The following NDST3 variants were observed in gnomAD, a reference collection of about 807,000 sequenced individuals.
The protein encoded by NDST3 is bifunctional heparan sulfate N-deacetylase/N-sulfotransferase 3.
NDST3 carries 58 observed loss-of-function variants against 96.1 expected under a neutral mutation model. The observed-to-expected ratio is 0.60, with a 90% confidence interval of 0.49 to 0.75. The LOEUF (loss-of-function observed/expected upper bound fraction) is 0.75, where lower values mean the gene tolerates loss of function less well. NDST3 is among the 30% of genes least tolerant of loss of function. The pLI, the probability that NDST3 is intolerant of heterozygous loss-of-function variation, is 0.00. For synonymous variants in NDST3, 333 were observed against 359.7 expected, an observed-to-expected ratio of 0.93 and a Z score of 0.84; for missense variants, 788 against 1,034.2, an observed-to-expected ratio of 0.76 and a Z score of 3.27.
At chr4:118,194,517 C>T in intron 6 of NDST3, 2 of 721,142 alleles carry the variant, frequency 2.8e-6, no homozygotes, top group Non-Finnish European at 5.2e-6. Flanking sequence ...TTTCCCAGGT[C>T]AAAGGAGAAT....
intron 6 of NDST3, among the ~76,000 whole-genome samples, chr4:118,179,766 C>T (rs1270247297): frequency 6.6e-6 from 1 of 152,048 alleles, no homozygotes; most frequent in Non-Finnish European, 1.5e-5. Flanking sequence ...TAAGCCTCAA[C>T]ATTTTTTGGT....
At chr4:118,253,449 G>C in intron 12 of NDST3, 50 bp from the exon 13 acceptor site, 4 of 1,287,356 alleles carry the variant, frequency 3.1e-6, no homozygotes, top group Non-Finnish European at 4.5e-6. Flanking sequence ...ATATAAATTG[G>C]TTGAAAAATG....
chr4:118,095,575 A>C (rs2125837336), intron 2 of NDST3, among the ~76,000 whole-genome samples: 1 of 150,924 alleles, frequency 6.6e-6, no homozygotes, highest in South Asian at 2.1e-4. Flanking sequence ...GTGGTTGTTG[A>C]TGCAGGTGAA....
chr4:118,081,578 GCTTTTAAACAGA>G (rs1728023024), intron 2 of NDST3, among the ~76,000 whole-genome samples: 1 of 152,106 alleles, frequency 6.6e-6, no homozygotes, highest in African/African-American at 2.4e-5. Flanking sequence ...GTAATTTGCT[GCTTTTAAACAGA>G]CTTAGCAGCA....
chr4:118,099,019 C>A (rs528013968), intron 2 of NDST3, among the ~76,000 whole-genome samples: 25 of 152,178 alleles, frequency 1.6e-4, no homozygotes, highest in Middle Eastern at 3.4e-3. Flanking sequence ...GGATTTCATT[C>A]ACAAAGCTAA....
Position 118,256,363 on chromosome 4 carries a change from A to G in NDST3, c.*651A>G, listed in dbSNP as rs1294135573. 1 of 152,250 alleles carries G rather than the reference A, an allele frequency of 6.6e-6. No individual in the cohort carries two copies. Among genetic ancestry groups the G allele is most frequent in the Admixed American group, 6.5e-5 (1 of 15,286 alleles). The allele number at this position is 152,250 out of a possible 1,614,324, so 9.4% of individuals were successfully genotyped here. On this transcript the variant is annotated 3_prime_UTR_variant, in exon 14 of 14. Transcript: ENST00000296499. Reference sequence around the variant, plus strand: ...TTCATATACATAGTCTAGTGAATATATGTAAAAATTACTAACTCTTCCATC... The same window carrying G: ...TTCATATACATAGTCTAGTGAATATGTGTAAAAATTACTAACTCTTCCATC...
chr4:118,200,584 G>C (rs992619573), intron 6 of NDST3, among the ~76,000 whole-genome samples: 6 of 152,154 alleles, frequency 3.9e-5, no homozygotes, highest in African/African-American at 9.6e-5. Flanking sequence ...ATCCAGGATA[G>C]CTTTCTTTTT....
rs370800744 is a variant in NDST3 at position 118,251,125 on chromosome 4, A to ATTTTTTTTTTTTTTTTTTTTTT, written c.2400-2370_2400-2369insTTTTTTTTTTTTTTTTTTTTTT. Among the ~76,000 whole-genome samples the ATTTTTTTTTTTTTTTTTTTTTT allele has an allele frequency of 2.7e-5, 3 of 111,742 alleles. 1 individual carries two copies. Among genetic ancestry groups the ATTTTTTTTTTTTTTTTTTTTTT allele is most frequent in the Non-Finnish European group, 3.7e-5 (2 of 53,826 alleles). The allele number at this position is 111,742 out of a possible 152,430, so 73.3% of individuals were successfully genotyped here. On this transcript the variant is annotated intron_variant, in intron 12 of 13. Transcript: ENST00000296499. ...ATTTATTTATTTATTTATTATTTTT[A>ATTTTTTTTTTTTTTTTTTTTTT]TTTTATTTTTTTTTTTTTTGAGACG...
At chr4:118,101,662 A>T (rs1729773067) in intron 2 of NDST3, among the ~76,000 whole-genome samples, 2 of 152,162 alleles carry the variant, frequency 1.3e-5, no homozygotes, top group Admixed American at 6.6e-5. Context: ...TTGTGTAAAC[A>T]TCACAGAGTA....
intron 10 of NDST3, among the ~76,000 whole-genome samples, chr4:118,237,916 A>T (rs1191427462): frequency 1.3e-5 from 2 of 152,144 alleles, no homozygotes; most frequent in Non-Finnish European, 1.5e-5. Context: ...AGACTGTTTG[A>T]GCCCAGGAGT....
chr4:118,131,617 T>C (rs796617939), intron 4 of NDST3, among the ~76,000 whole-genome samples: 7 of 152,250 alleles, frequency 4.6e-5, no homozygotes, highest in Admixed American at 2.0e-4. Context: ...TTTAGTTCAT[T>C]TGGTGAGGTC....
intron 6 of NDST3, among the ~76,000 whole-genome samples, chr4:118,151,262 A>C (rs1428105334): frequency 6.6e-6 from 1 of 152,158 alleles, no homozygotes; most frequent in Non-Finnish European, 1.5e-5. Context: ...GGGGAGGGAT[A>C]GCATTGGGAG....
At chr4:118,095,553 G>GTTT (rs11448394) in intron 2 of NDST3, among the ~76,000 whole-genome samples, 3 of 145,038 alleles carry the variant, frequency 2.1e-5, no homozygotes, top group Non-Finnish European at 4.6e-5. Flanking sequence ...TGTACATTCT[G>GTTT]TTTTTTTTTT....
At chr4:118,034,377 A>G (rs1349832654), upstream of NDST3, 1 of 151,968 alleles carries the variant, frequency 6.6e-6, no homozygotes, top group Non-Finnish European at 1.5e-5. Flanking sequence ...TGCATGTGAC[A>G]CTCTTGCCCT....
chr4:118,148,828 G>A (rs1368172025), intron 6 of NDST3, among the ~76,000 whole-genome samples: 1 of 152,098 alleles, frequency 6.6e-6, no homozygotes, highest in African/African-American at 2.4e-5. Context: ...AATAATAGGA[G>A]ACCCTTCGCT....
chr4:118,174,441 G>A (rs1736150506), intron 6 of NDST3, among the ~76,000 whole-genome samples: 1 of 152,086 alleles, frequency 6.6e-6, no homozygotes, highest in African/African-American at 2.4e-5. Flanking sequence ...CTATATGGAA[G>A]TAACACATTA....
intron 3 of NDST3, among the ~76,000 whole-genome samples, 198 bp from the exon 4 acceptor site, chr4:118,114,608 A>G (rs1032714777): frequency 2.0e-5 from 3 of 152,242 alleles, no homozygotes; most frequent in African/African-American, 7.2e-5. Context: ...ATAACATTTA[A>G]GAGTTTTACA....
chr4:118,230,004 AT>A (rs1414214924), intron 8 of NDST3, among the ~76,000 whole-genome samples: 1 of 152,126 alleles, frequency 6.6e-6, no homozygotes, highest in African/African-American at 2.4e-5. Flanking sequence ...ATAGCTAAGT[AT>A]TTTCTTCCCC....
At chr4:118,212,164 C>T (rs1046283796) in intron 6 of NDST3, among the ~76,000 whole-genome samples, 1 of 152,068 alleles carries the variant, frequency 6.6e-6, no homozygotes, top group Admixed American at 6.6e-5. Flanking sequence ...TGTATGATGA[C>T]CTGATGAAAA....
Sources: gnomAD v4.1 joint callset for allele counts (sites outside exome capture counted in the v4.1 genomes callset) on GRCh38, gnomAD v4.1.1 for gene constraint, MANE v1.5 for transcripts, NCBI Gene and HGNC (gene_info 2026-07-23, HGNC 2026-07-21) for gene names.